The following NSD1 variants were observed in gnomAD, a reference collection of about 807,000 sequenced individuals.
NSD1 encodes nuclear receptor binding SET domain protein 1.
Under a neutral mutation model 242.7 loss-of-function variants are expected in NSD1, and 26 were observed. The observed-to-expected ratio is 0.11, with a 90% CI of 0.08 to 0.15. NSD1 has a LOEUF of 0.15. Among genes scored for constraint, NSD1 ranks in the 10% least tolerant of loss-of-function variants. The pLI, the probability that NSD1 is intolerant of heterozygous loss-of-function variation, is 1.00. For missense variants in NSD1, 2,495 were observed against 3,272.8 expected, an observed-to-expected ratio of 0.76 and a Z score of 5.80; for synonymous variants, 1,106 against 1,178.1, an observed-to-expected ratio of 0.94 and a Z score of 1.25.
Position 177,298,927 on chromosome 5 carries a change from G to A in NSD1, c.*3468G>A, listed in dbSNP as rs976146562. 4.3e-6 allele frequency: 1 copy of A among 233,200 alleles called. No homozygotes were observed. The highest frequency in any genetic ancestry group is 8.5e-6 in the Non-Finnish European group (1 of 117,984). 14.4% of individuals were successfully genotyped at this position (233,200 alleles called of 1,614,324 possible). ...CTCTTGGGGTTTATCAGCCAGGTTA[G>A]AGGAGCCCAGTGTCCTAACCTCTCT... On this transcript the variant is annotated 3_prime_UTR_variant, in exon 23 of 23. Coordinates refer to ENST00000439151, the MANE Select transcript of NSD1 (RefSeq NM_022455.5).
chr5:177,271,110 G>A (rs1441661752), intron 16 of NSD1, among the ~76,000 whole-genome samples: 2 of 152,078 alleles, frequency 1.3e-5, no homozygotes, highest in Non-Finnish European at 2.9e-5. Flanking sequence ...TTAATCAGGG[G>A]GTTTCTAGGT....
chr5:177,243,835 A>G (rs1766075972), intron 8 of NSD1, among the ~76,000 whole-genome samples: 1 of 152,130 alleles, frequency 6.6e-6, no homozygotes, highest in Non-Finnish European at 1.5e-5. Flanking sequence ...CTGGGATTAC[A>G]GGCATGTGCC....
chr5:177,167,143 A>G (rs992245318), intron 2 of NSD1, among the ~76,000 whole-genome samples: 2 of 152,186 alleles, frequency 1.3e-5, no homozygotes, highest in African/African-American at 4.8e-5. Context: ...TGAAGAGACT[A>G]TTATTCTTTT....
At position 177,210,375 on chromosome 5, in the gene NSD1, A is replaced by G. The variant is rs754514832; in HGVS notation, c.1976A>G (p.Asp659Gly). The part of the protein sequence containing the change: ...LDPIEHSSES[D>G]NSVLEIPDAF... ...CCCATAGAACACAGCTCAGAGTCTG[A>G]TAACAGTGTCCTTGAAATTCCAGAT... Residue 659 changes from aspartate to glycine, a missense_variant, in exon 5 of 23, where the codon GAT (aspartate) becomes GGT (glycine). Around this residue, in one of 19 missense-constraint regions of NSD1, gnomAD observed 515 missense variants for 467.0 expected, o/e 1.10. Transcript: ENST00000439151. 35 of 1,614,080 alleles carry G rather than the reference A, an allele frequency of 2.2e-5. No individual in the cohort carries two copies. The highest frequency in any genetic ancestry group is 2.6e-5 in the Non-Finnish European group (31 of 1,180,042).
intron 12 of NSD1, among the ~76,000 whole-genome samples, chr5:177,254,204 C>A (rs914324493): frequency 6.6e-6 from 1 of 152,156 alleles, no homozygotes; most frequent in Non-Finnish European, 1.5e-5. Context: ...TCCTTGGCCT[C>A]CCAAAGTGCT....
intron 14 of NSD1, among the ~76,000 whole-genome samples, chr5:177,263,110 G>C (rs552094957): frequency 2.0e-5 from 3 of 152,260 alleles, no homozygotes; most frequent in African/African-American, 7.2e-5. Context: ...ATAAAAGCAA[G>C]CTGTACCCCC....
rs930668024 is a variant in NSD1, at chr5:177,297,917, T to C, written c.*2458T>C. On this transcript the variant is annotated 3_prime_UTR_variant, in exon 23 of 23. Transcript: ENST00000439151. The stretch of plus-strand genomic sequence containing the variant: ...CTGGGAAAACAGCTTCTGAGCCATT[T>C]TGGGGAGCAGTTCTTCATCTGAATG... The C allele has an allele frequency of 8.6e-6, 2 of 233,172 alleles. No individual in the cohort carries two copies. 14.4% of individuals were successfully genotyped at this position (233,172 alleles called of 1,614,324 possible).
Position 177,164,149 on chromosome 5 carries a change from CTTT to C in NSD1, c.928-27721_928-27719del, listed in dbSNP as rs56076836. On this transcript the variant is annotated intron_variant, in intron 2 of 22. Transcript: ENST00000439151. ...CCTGTTCTTCACAGGAAAATGTAACCTTTTTTTTTTTTTTTTCTTTTTTTGAGA... is the reference window on the plus strand; with the variant it reads ...CCTGTTCTTCACAGGAAAATGTAACCTTTTTTTTTTTTTCTTTTTTTGAGA... 2.7e-3 allele frequency among the ~76,000 whole-genome samples: 375 copies of C among 138,406 alleles called. 3 individuals are homozygous for C. The highest frequency in any genetic ancestry group is 9.7e-3 in the African/African-American group (361 of 37,174). 90.8% of individuals were successfully genotyped at this position (138,406 alleles called of 152,430 possible).
At chr5:177,270,374 T>G (rs1021131059) in intron 16 of NSD1, among the ~76,000 whole-genome samples, 41 of 152,352 alleles carry the variant, frequency 2.7e-4, no homozygotes, top group African/African-American at 9.6e-4. Context: ...TCGAACCCGG[T>G]TTTCTCTTAC....
Position 177,135,158 on chromosome 5 carries a change from C to G in NSD1, c.55C>G (p.Pro19Ala). The G allele has an allele frequency of 6.2e-7, 1 of 1,614,158 alleles. No homozygotes were observed. Among genetic ancestry groups the G allele is most frequent in the South Asian group, 1.1e-5 (1 of 91,082 alleles). ...AAATTGTCTGCTGCCCTTTTCCAAT[C>G]CAGTGAATTTAGATGCCCCTGAAGA... ...RRNCLLPFSN[P>A]VNLDAPEDKD... The change falls in exon 2 of 23, where the codon CCA (proline) becomes GCA (alanine). Residue 19 changes from proline to alanine, a missense_variant. Physicochemically the swap from Pro to Ala is conservative, Grantham distance 27. This residue lies in a region of NSD1 where 376 missense variants were observed against 367.4 expected (regional missense o/e 1.02). Coordinates refer to ENST00000439151, the MANE Select transcript of NSD1 (RefSeq NM_022455.5).
chr5:177,263,173 A>T (rs1357124029), intron 14 of NSD1, among the ~76,000 whole-genome samples: 1 of 152,254 alleles, frequency 6.6e-6, no homozygotes, highest in African/African-American at 2.4e-5. Flanking sequence ...CATGGACGTG[A>T]TCGTCACCTT....
chr5:177,170,575 A>G (rs1759616241), intron 2 of NSD1, among the ~76,000 whole-genome samples: 1 of 150,534 alleles, frequency 6.6e-6, no homozygotes, highest in South Asian at 2.1e-4. Context: ...CTGGTCTCCA[A>G]CTCCTGAGCT....
At chr5:177,242,900 T>C (rs1290613095) in intron 8 of NSD1, among the ~76,000 whole-genome samples, 1 of 152,206 alleles carries the variant, frequency 6.6e-6, no homozygotes, top group Non-Finnish European at 1.5e-5. Flanking sequence ...AAGAATATCA[T>C]CATTCTTGTA....
chr5:177,249,458 T>C (rs1562256979), intron 11 of NSD1, among the ~76,000 whole-genome samples: 1 of 150,210 alleles, frequency 6.7e-6, no homozygotes, highest in African/African-American at 2.4e-5. Context: ...ATTAATTAAT[T>C]ATTTATTTAT....
At chr5:177,209,383 G>A (rs1348686584) in intron 4 of NSD1, among the ~76,000 whole-genome samples, 1 of 151,840 alleles carries the variant, frequency 6.6e-6, no homozygotes, top group African/African-American at 2.4e-5. Context: ...CAAAAAATTA[G>A]CTGGGTGTGG....
intron 17 of NSD1, among the ~76,000 whole-genome samples, chr5:177,276,180 C>T (rs1364916450): frequency 6.6e-6 from 1 of 151,992 alleles, no homozygotes; most frequent in Non-Finnish European, 1.5e-5. Flanking sequence ...ATCCACCCAC[C>T]TCAACCTCCC....
intron 8 of NSD1, among the ~76,000 whole-genome samples, chr5:177,240,433 G>A (rs906996498): frequency 2.1e-4 from 32 of 152,054 alleles, no homozygotes; most frequent in African/African-American, 7.5e-4. Flanking sequence ...TGTGATGGTG[G>A]CCGGGCGCAG....
rs78340086 is a variant in NSD1 at position 177,277,996 on chromosome 5, G to A, written c.5623-2569G>A. On this transcript the variant is annotated intron_variant, in intron 17 of 22. Transcript: ENST00000439151. ...TTGTAGTCTTGGGTGACTGAGATTA[G>A]CTGTTGTTGTCTGTCCCCTTAGAAT... 1.7e-4 allele frequency among the ~76,000 whole-genome samples: 26 copies of A among 152,344 alleles called. No individual in the cohort carries two copies. In the East Asian group the frequency reaches 5.0e-3, roughly 29 times the overall value.
intron 22 of NSD1, among the ~76,000 whole-genome samples, chr5:177,292,714 G>C (rs537340804): frequency 1.8e-4 from 28 of 152,312 alleles, no homozygotes; most frequent in Middle Eastern, 3.4e-3. Context: ...AGATTTGGTT[G>C]TATCAGTTAA....
Sources: gnomAD v4.1 joint callset for allele counts (sites outside exome capture counted in the v4.1 genomes callset) on GRCh38, gnomAD v4.1.1 for gene constraint, gnomAD v4.1.1 regional missense constraint, MANE v1.5 for transcripts, NCBI Gene and HGNC (gene_info 2026-07-23, HGNC 2026-07-21) for gene names.